The following TEAD1 variants were observed in gnomAD, a reference collection of about 807,000 sequenced individuals.
TEAD1 encodes TEA domain transcription factor 1, also known as transcriptional enhancer factor TEF-1.
A neutral mutation model predicts 54.9 loss-of-function variants in TEAD1; 9 were observed. The ratio of observed to expected loss-of-function variants is 0.16; its 90% CI spans 0.10 to 0.29. The LOEUF is 0.29. TEAD1 is among the 10% of genes least tolerant of loss of function. TEAD1 has a pLI of 1.00. For missense variants in TEAD1, 387 were observed against 535.9 expected, an observed-to-expected ratio of 0.72 and a Z score of 2.74; for synonymous variants, 200 against 187.8, an observed-to-expected ratio of 1.07 and a Z score of -0.53.
intron 12 of TEAD1, among the ~76,000 whole-genome samples, chr11:12,931,071 G>A (rs1405850146): frequency 6.6e-6 from 1 of 152,164 alleles, no homozygotes; most frequent in Non-Finnish European, 1.5e-5. Flanking sequence ...TTCAAGACCA[G>A]CCTGGGTGAC....
intron 3 of TEAD1, among the ~76,000 whole-genome samples, chr11:12,834,086 T>G (rs1343990564): frequency 6.6e-6 from 1 of 152,258 alleles, no homozygotes; most frequent in Non-Finnish European, 1.5e-5. Flanking sequence ...TCAAACTAGA[T>G]GTCAAGCAAC....
chr11:12,707,363 T>TG (rs1197909896), intron 2 of TEAD1, among the ~76,000 whole-genome samples: 1 of 152,142 alleles, frequency 6.6e-6, no homozygotes, highest in Non-Finnish European at 1.5e-5. Context: ...CCCAAGGACA[T>TG]GATAGAGCTA....
chr11:12,702,673 A>C (rs1020077377), intron 2 of TEAD1, among the ~76,000 whole-genome samples: 3 of 151,924 alleles, frequency 2.0e-5, no homozygotes, highest in African/African-American at 7.3e-5. Flanking sequence ...GTTCTCCCAA[A>C]TCAGTTACTT....
Position 12,837,613 on chromosome 11 carries a change from C to T in TEAD1, c.203-24637C>T, listed in dbSNP as rs188648239. 2.2e-4 allele frequency among the ~76,000 whole-genome samples: 33 copies of T among 152,248 alleles called. No individual in the cohort carries two copies. In the East Asian group the frequency reaches 2.7e-3, roughly 13 times the overall value. On this transcript the variant is annotated intron_variant, in intron 3 of 12. Coordinates refer to ENST00000527636, the MANE Select transcript of TEAD1 (RefSeq NM_021961.6). ...TGGCCGTCTTCTCATTGTGTCCTCA[C>T]ACGGCCTTTCCTTTGTGTTCACGCA...
intron 12 of TEAD1, among the ~76,000 whole-genome samples, chr11:12,931,177 C>T (rs1949005527): frequency 6.6e-6 from 1 of 152,190 alleles, no homozygotes; most frequent in South Asian, 2.1e-4. Flanking sequence ...GATGGGAAAA[C>T]TCACCAGTGC....
chr11:12,839,006 A>G (rs1342067482), intron 3 of TEAD1, among the ~76,000 whole-genome samples: 1 of 152,242 alleles, frequency 6.6e-6, no homozygotes, highest in Non-Finnish European at 1.5e-5. Context: ...ACGTCACCAC[A>G]CAAGCAAGTT....
intron 10 of TEAD1, among the ~76,000 whole-genome samples, chr11:12,909,068 CAA>C (rs1948573877): frequency 6.6e-6 from 1 of 151,864 alleles, no homozygotes; most frequent in African/African-American, 2.4e-5. Context: ...CAATTTAAAA[CAA>C]AACAAAAAAC....
At chr11:12,704,801 T>A (rs1412089657) in intron 2 of TEAD1, among the ~76,000 whole-genome samples, 1 of 152,246 alleles carries the variant, frequency 6.6e-6, no homozygotes, top group African/African-American at 2.4e-5. Flanking sequence ...ATTTACCAGG[T>A]GCTGTGCTGT....
intron 3 of TEAD1, among the ~76,000 whole-genome samples, chr11:12,816,915 G>A (rs1442846198): frequency 6.6e-6 from 1 of 152,150 alleles, no homozygotes; most frequent in Non-Finnish European, 1.5e-5. Context: ...TGCCTTCTCT[G>A]GCCATCAGGG....
chr11:12,905,481 A>C (rs1442317061), intron 10 of TEAD1, among the ~76,000 whole-genome samples: 1 of 152,242 alleles, frequency 6.6e-6, no homozygotes, highest in Non-Finnish European at 1.5e-5. Context: ...CTTTATAAAG[A>C]AATTCAGTCA....
chr11:12,696,211 T>C (rs895967662), intron 2 of TEAD1, among the ~76,000 whole-genome samples: 1 of 152,222 alleles, frequency 6.6e-6, no homozygotes, highest in African/African-American at 2.4e-5. Context: ...TTTTTTTGTT[T>C]TGTTTTTGTT....
At chr11:12,774,287 G>A (rs1329433259) in intron 3 of TEAD1, among the ~76,000 whole-genome samples, 1 of 152,180 alleles carries the variant, frequency 6.6e-6, no homozygotes, top group African/African-American at 2.4e-5. Context: ...AGATGAGGAA[G>A]CAAGGCACTG....
chr11:12,887,740 C>G (rs1948119185), intron 9 of TEAD1, among the ~76,000 whole-genome samples: 1 of 152,148 alleles, frequency 6.6e-6, no homozygotes, highest in African/African-American at 2.4e-5. Context: ...ACAACAGAAA[C>G]ATTAAGGCCA....
chr11:12,819,846 A>T (rs564885055), intron 3 of TEAD1, among the ~76,000 whole-genome samples: 1 of 152,246 alleles, frequency 6.6e-6, no homozygotes, highest in Non-Finnish European at 1.5e-5. Context: ...TTTCATAGAT[A>T]ACAAAATAGC....
chr11:12,678,456 C>T (rs1943144117), intron 2 of TEAD1, among the ~76,000 whole-genome samples: 1 of 152,154 alleles, frequency 6.6e-6, no homozygotes, highest in South Asian at 2.1e-4. Context: ...CATAGATTAC[C>T]TTGTGGTATT....
chr11:12,815,229 A>G (rs1016995841), intron 3 of TEAD1, among the ~76,000 whole-genome samples: 3 of 151,920 alleles, frequency 2.0e-5, no homozygotes, highest in African/African-American at 7.3e-5. Context: ...GCCTGCTGGG[A>G]CTCAGAAGCT....
intron 3 of TEAD1, among the ~76,000 whole-genome samples, chr11:12,797,424 C>T (rs897055895): frequency 6.6e-6 from 1 of 152,176 alleles, no homozygotes; most frequent in African/African-American, 2.4e-5. Context: ...TATCCAATGA[C>T]AATTCTAGTG....
At chr11:12,770,147 T>A (rs1193299269) in intron 3 of TEAD1, among the ~76,000 whole-genome samples, 3 of 152,130 alleles carry the variant, frequency 2.0e-5, no homozygotes, top group Non-Finnish European at 4.4e-5. Context: ...TCAGAACAGA[T>A]GAGTAATGGG....
intron 3 of TEAD1, among the ~76,000 whole-genome samples, chr11:12,778,364 TA>T (rs1945473182): frequency 3.3e-5 from 5 of 152,082 alleles, no homozygotes; most frequent in Admixed American, 2.6e-4. Context: ...GTGTCTGGGA[TA>T]CCGTTCATCC....
Sources: gnomAD v4.1 joint callset for allele counts (sites outside exome capture counted in the v4.1 genomes callset) on GRCh38, gnomAD v4.1.1 for gene constraint, MANE v1.5 for transcripts, NCBI Gene and HGNC (gene_info 2026-07-23, HGNC 2026-07-21) for gene names.